The following ZFYVE16 variants were observed in gnomAD, a reference collection of about 807,000 sequenced individuals.
ZFYVE16 encodes zinc finger FYVE domain-containing protein 16.
ZFYVE16 carries 89 observed loss-of-function variants against 138.1 expected under a neutral mutation model. The observed-to-expected ratio is 0.64, with a 90% CI of 0.54 to 0.77. ZFYVE16 has a LOEUF of 0.77. Ranked by LOEUF, ZFYVE16 falls within the 30% of genes least tolerant of loss-of-function variation. The probability of loss-of-function intolerance (pLI) is 0.00; values close to 1 mark genes in which losing one functional copy is unlikely to be tolerated. For missense variants in ZFYVE16, 1,793 were observed against 1,786.7 expected, an observed-to-expected ratio of 1.00 and a Z score of -0.06; for synonymous variants, 596 against 618.3, an observed-to-expected ratio of 0.96 and a Z score of 0.53.
chr5:80,411,443 T>C (rs1745446874), intron 1 of ZFYVE16, among the ~76,000 whole-genome samples: 1 of 152,212 alleles, frequency 6.6e-6, no homozygotes. Context: ...TTTTACAACT[T>C]ATTTGTAAAA....
chr5:80,442,198 G>A (rs932439826), intron 5 of ZFYVE16, among the ~76,000 whole-genome samples: 1 of 152,102 alleles, frequency 6.6e-6, no homozygotes, highest in Non-Finnish European at 1.5e-5. Context: ...CCACCTCCCA[G>A]GCTCAAGCAG....
intron 2 of ZFYVE16, among the ~76,000 whole-genome samples, chr5:80,432,355 A>G (rs1214896013): frequency 6.6e-6 from 1 of 152,242 alleles, no homozygotes; most frequent in African/African-American, 2.4e-5. Flanking sequence ...TATTTAACAA[A>G]TGGTGCTGGG....
intron 2 of ZFYVE16, among the ~76,000 whole-genome samples, chr5:80,433,721 C>G (rs2112333972): frequency 6.6e-6 from 1 of 151,928 alleles, no homozygotes; most frequent in Admixed American, 6.6e-5. Flanking sequence ...GCATTTAAGG[C>G]TCTAAGTATC....
chr5:80,441,092 T>G, intron 5 of ZFYVE16: 1 of 985,450 alleles, frequency 1.0e-6, no homozygotes, highest in Non-Finnish European at 1.2e-6. Context: ...TTTTTTCTTA[T>G]GCTGTTTCAG....
rs182459818 is a variant in ZFYVE16 at position 80,414,911 on chromosome 5, G to A, written c.-94+6758G>A. On this transcript the variant is annotated intron_variant, in intron 1 of 18. Coordinates refer to ENST00000505560, the MANE Select transcript of ZFYVE16 (RefSeq NM_001284236.3). ...GGTGATCCTCCCTTCAACCATTCAG[G>A]TGTTCTGAAATTTCACAATGATGTT... 1.1e-4 allele frequency among the ~76,000 whole-genome samples: 16 copies of A among 152,294 alleles called. No homozygotes were observed. The East Asian group carries it at 3.1e-3, about 29-fold the overall frequency.
chr5:80,449,440 A>G, intron 8 of ZFYVE16, 151 bp from the exon 9 acceptor site: 1 of 689,652 alleles, frequency 1.5e-6, no homozygotes, highest in Non-Finnish European at 2.3e-6. Context: ...AGTATATAAC[A>G]GTTGTCTGGG....
At position 80,444,723 on chromosome 5, in the gene ZFYVE16, C is replaced by T. The variant is rs1482489054; in HGVS notation, c.2582-540C>T. Among the ~76,000 whole-genome samples the T allele has an allele frequency of 2.0e-5, 3 of 151,200 alleles. No homozygotes were observed. In the East Asian group the frequency reaches 5.8e-4, roughly 29 times the overall value. On this transcript the variant is annotated intron_variant, in intron 6 of 18. Transcript: ENST00000505560. ...AAGACATTTCAAGTGATCCTGTTACCTTTTTTTAGGTTTTTAAATTTCTTT... is the reference window on the plus strand; with the variant it reads ...AAGACATTTCAAGTGATCCTGTTACTTTTTTTTAGGTTTTTAAATTTCTTT...
At chr5:80,411,622 C>G (rs1294312512) in intron 1 of ZFYVE16, 1 of 152,156 alleles carries the variant, frequency 6.6e-6, no homozygotes, top group African/African-American at 2.4e-5. Context: ...CTCTTGTCCT[C>G]TTCTAAATAT....
At position 80,479,323 on chromosome 5, in the gene ZFYVE16, T is replaced by A. The variant is rs1345346566; in HGVS notation, c.*1946T>A. The A allele has an allele frequency of 6.6e-6, 1 of 152,136 alleles. No homozygotes were observed. The highest frequency in any genetic ancestry group is 2.4e-5 in the African/African-American group (1 of 41,464). The allele number at this position is 152,136 out of a possible 1,614,324, so 9.4% of individuals were successfully genotyped here. A position where few individuals can be genotyped will look rare whatever the true frequency, so the allele number is the denominator to read the frequency against. ...CTCTCTTTCTCTGAATTTTGAAATATGAAGTAAAATCTAGCCCATTTGTTT... is the reference window on the plus strand; with the variant it reads ...CTCTCTTTCTCTGAATTTTGAAATAAGAAGTAAAATCTAGCCCATTTGTTT... On this transcript the variant is annotated 3_prime_UTR_variant, in exon 19 of 19. Transcript: ENST00000505560.
intron 13 of ZFYVE16, 104 bp from the exon 14 acceptor site, chr5:80,456,841 G>A (rs1002449914): frequency 1.0e-5 from 14 of 1,336,942 alleles, no homozygotes; most frequent in African/African-American, 7.5e-5. Flanking sequence ...TGTCCAGACC[G>A]AAGCTTGATA....
intron 3 of ZFYVE16, among the ~76,000 whole-genome samples, chr5:80,434,810 G>T (rs1365380920): frequency 1.3e-5 from 2 of 152,292 alleles, no homozygotes; most frequent in South Asian, 2.1e-4. Flanking sequence ...AGCAACTTGA[G>T]AGTTCTGCAT....
intron 1 of ZFYVE16, among the ~76,000 whole-genome samples, chr5:80,410,882 G>A (rs1042206912): frequency 2.6e-5 from 4 of 151,678 alleles, no homozygotes. Flanking sequence ...GAAACGTGCT[G>A]TACTTTTTTT....
At chr5:80,430,431 T>A (rs913250254) in intron 2 of ZFYVE16, among the ~76,000 whole-genome samples, 39 of 151,622 alleles carry the variant, frequency 2.6e-4, no homozygotes, top group Non-Finnish European at 4.4e-5. Context: ...CTGGGACACA[T>A]TCAAAGCATG....
intron 15 of ZFYVE16, among the ~76,000 whole-genome samples, chr5:80,463,343 C>A (rs1047576344): frequency 6.6e-6 from 1 of 152,184 alleles, no homozygotes; most frequent in African/African-American, 2.4e-5. Flanking sequence ...TGTAAGCCAC[C>A]AAAGCTTGGG....
chr5:80,432,944 T>C (rs1329429471), intron 2 of ZFYVE16, among the ~76,000 whole-genome samples: 1 of 152,014 alleles, frequency 6.6e-6, no homozygotes, highest in Non-Finnish European at 1.5e-5. Context: ...AGGAAACAGG[T>C]GCTGGAGAGG....
intron 14 of ZFYVE16, among the ~76,000 whole-genome samples, chr5:80,457,646 A>T (rs1348479916): frequency 1.3e-5 from 2 of 152,198 alleles, no homozygotes; most frequent in Non-Finnish European, 2.9e-5. Context: ...AAATAGTCCA[A>T]CATTCTGGCT....
chr5:80,475,520 G>A (rs148369447), intron 18 of ZFYVE16, among the ~76,000 whole-genome samples: 18 of 152,174 alleles, frequency 1.2e-4, no homozygotes, highest in Admixed American at 3.3e-4. Context: ...CTCCCTCTCC[G>A]GCCAAGCAAT....
rs774652785 is a variant in ZFYVE16 at position 80,443,200 on chromosome 5, C to T, written c.2497C>T (p.Gln833Ter). Residue 833 changes from glutamine (Q) to a stop codon, truncating the protein, a stop_gained, in exon 6 of 19, where the codon CAG becomes TAG. Transcript: ENST00000505560. LOFTEE classifies it high-confidence loss of function. ...TCATTCTGATGAATGTACTACTGTC[C>T]AGCCTCCTCAGGAGAACCAAACATC... The part of the protein sequence containing the change: ...SNHSDECTTV[Q>*]PPQENQTSSI... 1.9e-6 allele frequency: 3 copies of T among 1,609,146 alleles called. No individual in the cohort carries two copies. The African/African-American group carries it at 4.0e-5, about 22-fold the overall frequency.
At chr5:80,457,479 C>A (rs1752637785) in intron 14 of ZFYVE16, among the ~76,000 whole-genome samples, 1 of 152,168 alleles carries the variant, frequency 6.6e-6, no homozygotes, top group South Asian at 2.1e-4. Flanking sequence ...TAAAACGTAA[C>A]AAACAGCATC....
Sources: allele counts gnomAD v4.1 joint callset (sites outside exome capture counted in the v4.1 genomes callset), GRCh38; gene constraint gnomAD v4.1.1; transcripts MANE v1.5; gene names NCBI Gene and HGNC (gene_info 2026-07-23, HGNC 2026-07-21).